CPPED1: variants seen among roughly 807,000 people sequenced by gnomAD.
The protein encoded by CPPED1 is serine/threonine-protein phosphatase CPPED1.
A neutral mutation model predicts 28.0 loss-of-function variants in CPPED1; 28 were observed. The observed-to-expected ratio is 1.00, with a 90% CI of 0.74 to 1.37. The LOEUF (loss-of-function observed/expected upper bound fraction) is 1.37, where lower values mean the gene tolerates loss of function less well. Ranked by LOEUF, CPPED1 falls within the 40% of genes most tolerant of loss-of-function variation. The probability of loss-of-function intolerance (pLI) is 0.00; values close to 1 mark genes in which losing one functional copy is unlikely to be tolerated. For missense variants in CPPED1, 504 were observed against 416.5 expected, an observed-to-expected ratio of 1.21 and a Z score of -1.83; for synonymous variants, 198 against 180.2, an observed-to-expected ratio of 1.10 and a Z score of -0.79.
At chr16:12,710,991 C>A (rs1222771088) in intron 2 of CPPED1, among the ~76,000 whole-genome samples, 1 of 152,114 alleles carries the variant, frequency 6.6e-6, no homozygotes, top group African/African-American at 2.4e-5. Context: ...ATCTGAGTCC[C>A]CAAAATAACT....
At position 12,709,360 on chromosome 16, in the gene CPPED1, G is replaced by C. The variant is rs1265862781; in HGVS notation, c.290-4311C>G. On this transcript the variant is annotated intron_variant, in intron 2 of 3. Coordinates refer to ENST00000381774, the MANE Select transcript of CPPED1 (RefSeq NM_018340.3). This position sits in a 1 kb window ranked among gnomAD's most constrained non-coding sequence, Gnocchi z 4.4. ...GTGGATAAGAGGTATCTGCTGAGAA[G>C]TGGGTGCCAAGAGTACAGGGACCCC... Among the ~76,000 whole-genome samples, 1 of 152,190 alleles carries C rather than the reference G, an allele frequency of 6.6e-6. No homozygotes were observed. Among genetic ancestry groups the C allele is most frequent in the African/African-American group, 2.4e-5 (1 of 41,446 alleles).
At chr16:12,704,473 T>C in intron 3 of CPPED1, 151 bp downstream of exon 3, 2 of 736,230 alleles carry the variant, frequency 2.7e-6, no homozygotes, top group Non-Finnish European at 2.2e-6. Context: ...TAGCCAGACA[T>C]GCAGTCTGCA....
chr16:12,764,350 C>A (rs1386361619), intron 2 of CPPED1, among the ~76,000 whole-genome samples: 4 of 152,056 alleles, frequency 2.6e-5, no homozygotes, highest in Non-Finnish European at 4.4e-5. Context: ...ATAACATGCA[C>A]ATGCCACCAC....
chr16:12,770,058 C>T (rs780447455), intron 2 of CPPED1, among the ~76,000 whole-genome samples: 6 of 152,162 alleles, frequency 3.9e-5, no homozygotes, highest in Non-Finnish European at 8.8e-5. Flanking sequence ...TGGAAATGTT[C>T]TGAGTATCTA....
chr16:12,799,038 G>C (rs11864912), intron 1 of CPPED1, among the ~76,000 whole-genome samples: 2 of 152,102 alleles, frequency 1.3e-5, no homozygotes, highest in African/African-American at 2.4e-5. Context: ...TGTTACTCAC[G>C]TAAATCACCG....
chr16:12,702,341 G>T (rs887225847), intron 3 of CPPED1, among the ~76,000 whole-genome samples: 10 of 152,086 alleles, frequency 6.6e-5, no homozygotes, highest in Non-Finnish European at 2.9e-5. Context: ...TTAAAGCCCA[G>T]TGAGGTGCAA....
intron 2 of CPPED1, among the ~76,000 whole-genome samples, chr16:12,707,670 T>A (rs2141189027): frequency 6.6e-6 from 1 of 152,316 alleles, no homozygotes; most frequent in South Asian, 2.1e-4. Context: ...AAAGAAAGGC[T>A]GACTTGGGAA....
chr16:12,728,815 C>A (rs990779318), intron 2 of CPPED1, among the ~76,000 whole-genome samples: 8 of 152,154 alleles, frequency 5.3e-5, no homozygotes, highest in Non-Finnish European at 7.3e-5. Flanking sequence ...TTCTGTGAGG[C>A]GAGAGGCAAG....
At chr16:12,793,900 G>A (rs1432527036) in intron 1 of CPPED1, among the ~76,000 whole-genome samples, 1 of 152,184 alleles carries the variant, frequency 6.6e-6, no homozygotes, top group Admixed American at 6.5e-5. Flanking sequence ...CCGCCTGCAG[G>A]CTTTCTAGCT....
At chr16:12,802,329 C>T (rs1047925983) in intron 1 of CPPED1, among the ~76,000 whole-genome samples, 1 of 152,152 alleles carries the variant, frequency 6.6e-6, no homozygotes, top group African/African-American at 2.4e-5. Flanking sequence ...AGGCCGGGCG[C>T]GGTGGCTCAG....
chr16:12,671,111 G>A (rs545721283), intron 3 of CPPED1, among the ~76,000 whole-genome samples: 43 of 152,064 alleles, frequency 2.8e-4, no homozygotes, highest in Non-Finnish European at 5.6e-4. Flanking sequence ...TTGGCCTCCC[G>A]AAGTGCTGGG....
chr16:12,767,013 T>G (rs2080443762), intron 2 of CPPED1, among the ~76,000 whole-genome samples: 1 of 151,968 alleles, frequency 6.6e-6, no homozygotes, highest in Non-Finnish European at 1.5e-5. Flanking sequence ...ATTTTTTTTT[T>G]TGAGTCATGG....
rs142294510 is a variant in CPPED1 at position 12,790,614 on chromosome 16, T to C, written c.71-9211A>G. Among the ~76,000 whole-genome samples the C allele has an allele frequency of 4.2e-3, 647 of 152,324 alleles. 3 individuals carry two copies. Among genetic ancestry groups the C allele is most frequent in the African/African-American group, 0.014 (582 of 41,568 alleles). On this transcript the variant is annotated intron_variant, in intron 1 of 3. Coordinates refer to ENST00000381774, the MANE Select transcript of CPPED1 (RefSeq NM_018340.3). Reference sequence around the variant, plus strand: ...ACAATGATAAATAGCTTTCTTAACTTGATTTTCATAAGAAAAGTCACATTG... The same window carrying C: ...ACAATGATAAATAGCTTTCTTAACTCGATTTTCATAAGAAAAGTCACATTG...
chr16:12,798,396 T>A (rs927807627), intron 1 of CPPED1, among the ~76,000 whole-genome samples: 1 of 152,236 alleles, frequency 6.6e-6, no homozygotes, highest in African/African-American at 2.4e-5. Context: ...GTTAGAATTT[T>A]TAAAACCACA....
At chr16:12,687,755 G>A (rs550099622) in intron 3 of CPPED1, among the ~76,000 whole-genome samples, 3 of 152,100 alleles carry the variant, frequency 2.0e-5, no homozygotes, top group Admixed American at 6.6e-5. Context: ...CAATACTCCT[G>A]TGTATTGATG....
intron 1 of CPPED1, among the ~76,000 whole-genome samples, chr16:12,782,745 C>T (rs994015280): frequency 2.0e-5 from 3 of 151,812 alleles, no homozygotes; most frequent in Non-Finnish European, 4.4e-5. Flanking sequence ...CAGGTGGGCA[C>T]CTGTAATCCC....
rs1489740021 is a variant in CPPED1 at position 12,691,455 on chromosome 16, A to G, written c.715+13169T>C. On this transcript the variant is annotated intron_variant, in intron 3 of 3. Transcript: ENST00000381774. ...AAACACAATTTGACCCAGCCGTCCCATTACTGGGTATATACCCAAAGGATT... is the reference window on the plus strand; with the variant it reads ...AAACACAATTTGACCCAGCCGTCCCGTTACTGGGTATATACCCAAAGGATT... Among the ~76,000 whole-genome samples, 3 of 152,230 alleles carry G rather than the reference A, an allele frequency of 2.0e-5. No homozygotes were observed. The East Asian group carries it at 5.8e-4, about 30-fold the overall frequency.
At chr16:12,739,222 A>C (rs539347168) in intron 2 of CPPED1, among the ~76,000 whole-genome samples, 2 of 152,290 alleles carry the variant, frequency 1.3e-5, no homozygotes, top group South Asian at 2.1e-4. Context: ...CTGGACACTA[A>C]ATGAATGGAT....
At chr16:12,789,096 CT>C (rs1277730650) in intron 1 of CPPED1, among the ~76,000 whole-genome samples, 1 of 152,150 alleles carries the variant, frequency 6.6e-6, no homozygotes, top group East Asian at 1.9e-4. Flanking sequence ...ATAAATATAC[CT>C]GGCTTTCTGG....
Sources: allele counts gnomAD v4.1 joint callset (sites outside exome capture counted in the v4.1 genomes callset), GRCh38; gene constraint gnomAD v4.1.1; non-coding constraint Gnocchi (gnomAD v3.1); transcripts MANE v1.5; gene names NCBI Gene and HGNC (gene_info 2026-07-23, HGNC 2026-07-21).